The following USP7 variants were observed in gnomAD, a reference collection of about 807,000 sequenced individuals.
USP7 encodes the protein ubiquitin specific peptidase 7.
USP7 carries 9 observed loss-of-function variants against 162.9 expected under a neutral mutation model. The ratio of observed to expected loss-of-function variants is 0.06; its 90% CI spans 0.03 to 0.10. USP7 has a LOEUF of 0.10. Ranked by LOEUF, USP7 falls within the 10% of genes least tolerant of loss-of-function variation. The probability of loss-of-function intolerance (pLI) is 1.00; values close to 1 mark genes in which losing one functional copy is unlikely to be tolerated. For synonymous variants in USP7, 562 were observed against 475.9 expected, an observed-to-expected ratio of 1.18 and a Z score of -2.35; for missense variants, 715 against 1,373.7, an observed-to-expected ratio of 0.52 and a Z score of 7.58.
intron 7 of USP7, 148 bp from the exon 8 acceptor site, chr16:8,916,704 T>G: frequency 1.2e-6 from 1 of 868,414 alleles, no homozygotes; most frequent in Non-Finnish European, 1.8e-6. Context: ...GAGTCATAAT[T>G]CAAAGATAGA....
chr16:8,915,987 C>G (rs1290293496), intron 8 of USP7, among the ~76,000 whole-genome samples: 1 of 152,198 alleles, frequency 6.6e-6, no homozygotes, highest in African/African-American at 2.4e-5. Context: ...TCACCTTGAA[C>G]AGCCATTTCA....
At chr16:8,944,824 G>A (rs143765126) in intron 1 of USP7, among the ~76,000 whole-genome samples, 242 of 152,260 alleles carry the variant, frequency 1.6e-3, no homozygotes, top group South Asian at 2.9e-3. Context: ...AGTTCCTGGC[G>A]GCTGGACACA....
chr16:8,919,466 A>C (rs1000263063), intron 5 of USP7, among the ~76,000 whole-genome samples: 4 of 152,074 alleles, frequency 2.6e-5, no homozygotes, highest in Non-Finnish European at 5.9e-5. Flanking sequence ...GTTTGGTTAC[A>C]TAATTACACT....
At chr16:8,938,956 G>T (rs1381860336) in intron 1 of USP7, among the ~76,000 whole-genome samples, 2 of 152,054 alleles carry the variant, frequency 1.3e-5, no homozygotes, top group Non-Finnish European at 2.9e-5. Flanking sequence ...CCCTGAGAGG[G>T]GTCCTGGAAC....
chr16:8,910,828 C>CT lies in USP7; in HGVS notation c.1079-2dup, dbSNP rs58796383. 12 of 1,613,096 alleles carry CT rather than the reference C, an allele frequency of 7.4e-6. No homozygotes were observed. The highest frequency in any genetic ancestry group is 8.5e-6 in the Non-Finnish European group (10 of 1,179,568). ...ACATAATCCACAAATGATTCAAATA[C>CT]TTTAAAGAGAGAGAGAGAAAAGTCA... On this transcript the variant is annotated splice_acceptor_variant, in intron 10 of 30. Coordinates refer to ENST00000344836, the MANE Select transcript of USP7 (RefSeq NM_003470.3). LOFTEE classifies it high-confidence loss of function.
chr16:8,899,567 G>C lies in USP7; in HGVS notation c.2463+37C>G, dbSNP rs537633166. 8.1e-6 allele frequency: 13 copies of C among 1,603,052 alleles called. No individual in the cohort carries two copies. The African/African-American group carries it at 1.7e-4, about 22-fold the overall frequency. ...TAAGAAAGAAATTTGTCTTTCTGGA[G>C]TGGGATCTGAAGAGGAAAGGAGCAT... On this transcript the variant is annotated intron_variant, in intron 22 of 30. Transcript: ENST00000344836.
chr16:8,949,851 G>A (rs1419941203), intron 1 of USP7, among the ~76,000 whole-genome samples: 4 of 152,210 alleles, frequency 2.6e-5, no homozygotes, highest in African/African-American at 9.6e-5. Context: ...TGAGCTTGGG[G>A]AAGCTCCTTC....
At chr16:8,932,049 G>A (rs1046046812) in intron 1 of USP7, among the ~76,000 whole-genome samples, 11 of 152,178 alleles carry the variant, frequency 7.2e-5, no homozygotes, top group African/African-American at 1.9e-4. Flanking sequence ...CACGGACAGT[G>A]CCATGCTCAC....
At chr16:8,956,106 A>G (rs868307344) in intron 1 of USP7, among the ~76,000 whole-genome samples, 1 of 152,322 alleles carries the variant, frequency 6.6e-6, no homozygotes, top group Middle Eastern at 3.4e-3. Context: ...AGGTTAGTAC[A>G]TAACACAGGA....
At chr16:8,919,754 G>A (rs756849721) in intron 5 of USP7, among the ~76,000 whole-genome samples, 1 of 125,934 alleles carries the variant, frequency 7.9e-6, no homozygotes, top group Non-Finnish European at 1.6e-5. Context: ...CCACCTCCAC[G>A]CCCATCTCCC....
intron 18 of USP7, among the ~76,000 whole-genome samples, chr16:8,901,759 T>G (rs1267567639): frequency 6.6e-6 from 1 of 152,182 alleles, no homozygotes; most frequent in Non-Finnish European, 1.5e-5. Context: ...ACGCCTGAGA[T>G]ATTGCCTATG....
In USP7 at chr16:8,894,089, G is replaced by A; in HGVS notation, c.3218C>T (p.Pro1073Leu). 1 of 1,614,192 alleles carries A rather than the reference G, an allele frequency of 6.2e-7. No homozygotes were observed. Among genetic ancestry groups the A allele is most frequent in the Non-Finnish European group, 8.5e-7 (1 of 1,180,032 alleles). ...GTGGTCGAGCCCTAGCCAAGGCCGA[G>A]GATGAGACATATTACCTGGTGGGGA... The part of the protein sequence containing the change: ...FEPQPGNMSH[P>L]RPWLGLDHFN... Residue 1073 changes from proline to leucine, a missense_variant, in exon 31 of 31, where the codon CCT becomes CTT. Coordinates refer to ENST00000344836, the MANE Select transcript of USP7 (RefSeq NM_003470.3).
At chr16:8,931,960 G>T (rs570139321) in intron 1 of USP7, among the ~76,000 whole-genome samples, 52 of 152,268 alleles carry the variant, frequency 3.4e-4, no homozygotes, top group African/African-American at 1.2e-3. Context: ...CTTTTTAACA[G>T]CCAGGTAGTT....
At chr16:8,962,675 C>A in intron 1 of USP7, 1 of 201,802 alleles carries the variant, frequency 5.0e-6, no homozygotes, top group Non-Finnish European at 1.1e-5. Flanking sequence ...CATCTGCGTT[C>A]CTTGCAGGTA....
Position 8,893,740 on chromosome 16 carries a change from A to G in USP7, c.*258T>C. 1 of 417,346 alleles carries G rather than the reference A, an allele frequency of 2.4e-6. No individual in the cohort carries two copies. The highest frequency in any genetic ancestry group is 2.4e-5 in the South Asian group (1 of 41,932). The allele number at this position is 417,346 out of a possible 1,614,324, so 25.9% of individuals were successfully genotyped here. On this transcript the variant is annotated 3_prime_UTR_variant, in exon 31 of 31. Coordinates refer to ENST00000344836, the MANE Select transcript of USP7 (RefSeq NM_003470.3). ...TAACCTCTTCTCCCCCATTGCGCTGACAGTTGCCTTGCACTGTGGTTACCA... is the reference window on the plus strand; with the variant it reads ...TAACCTCTTCTCCCCCATTGCGCTGGCAGTTGCCTTGCACTGTGGTTACCA...
At chr16:8,899,396 T>G in intron 22 of USP7, 1 of 787,672 alleles carries the variant, frequency 1.3e-6, no homozygotes, top group East Asian at 2.7e-5. Flanking sequence ...GGGTTTTCAC[T>G]TTTAATGGTG....
intron 11 of USP7, among the ~76,000 whole-genome samples, chr16:8,909,703 G>A (rs1034030977): frequency 1.3e-5 from 2 of 152,140 alleles, no homozygotes; most frequent in Non-Finnish European, 2.9e-5. Flanking sequence ...CGAGGCAGGC[G>A]GATCACAAGG....
chr16:8,949,299 G>A (rs796119885), intron 1 of USP7, among the ~76,000 whole-genome samples: 35 of 152,286 alleles, frequency 2.3e-4, no homozygotes, highest in African/African-American at 7.0e-4. Context: ...ATCGTGGCAC[G>A]TTCCACTGGG....
At chr16:8,961,883 A>ATT (rs1900030443) in intron 1 of USP7, among the ~76,000 whole-genome samples, 1 of 152,224 alleles carries the variant, frequency 6.6e-6, no homozygotes, top group African/African-American at 2.4e-5. Flanking sequence ...CAGATAACCC[A>ATT]GTCCTTGGCG....
Sources: allele counts gnomAD v4.1 joint callset (sites outside exome capture counted in the v4.1 genomes callset), GRCh38; gene constraint gnomAD v4.1.1; transcripts MANE v1.5; gene names NCBI Gene and HGNC (gene_info 2026-07-23, HGNC 2026-07-21).